Variants in FBLN2 observed in about 807,000 individuals in gnomAD.
The protein encoded by FBLN2 is fibulin-2.
A neutral mutation model predicts 123.7 loss-of-function variants in FBLN2; 81 were observed. The ratio of observed to expected loss-of-function variants is 0.65; its 90% confidence interval spans 0.55 to 0.79. FBLN2 has a LOEUF of 0.79. Ranked by LOEUF, FBLN2 falls within the 30% of genes least tolerant of loss-of-function variation. The probability of loss-of-function intolerance (pLI) is 0.00; values close to 1 mark genes in which losing one functional copy is unlikely to be tolerated. For missense variants in FBLN2, 1,603 were observed against 1,681.3 expected (o/e 0.95, Z 0.81); for synonymous variants, 699 against 701.4 (o/e 1.00, Z 0.05).
rs3836364 is a variant in FBLN2 at position 13,635,375 on chromosome 3, T to TACAC, written c.3215-1049_3215-1046dup. 3.7e-3 allele frequency among the ~76,000 whole-genome samples: 551 copies of TACAC among 149,178 alleles called. 2 individuals carry two copies. Among genetic ancestry groups the TACAC allele is most frequent in the African/African-American group, 0.012 (505 of 40,616 alleles). On this transcript the variant is annotated intron_variant, in intron 16 of 17. Transcript: ENST00000404922. ...TTTGTCCTCCAGGGTGCCTGTGGGT[T>TACAC]ACACACACACACACACACACACACC...
chr3:13,568,577 A>T (rs1189595442), intron 1 of FBLN2, among the ~76,000 whole-genome samples: 1 of 152,224 alleles, frequency 6.6e-6, no homozygotes, highest in Non-Finnish European at 1.5e-5. Flanking sequence ...GATGTGGCTC[A>T]GCCCTGGGGG....
chr3:13,595,477 A>T (rs936769995), intron 2 of FBLN2, among the ~76,000 whole-genome samples: 1 of 151,436 alleles, frequency 6.6e-6, no homozygotes. Context: ...CAGTCCTCAT[A>T]AAAAAAAACT....
At chr3:13,609,688 G>GGGGGGGGGGGGGGGGGGGGGCC in intron 4 of FBLN2, 46 bp downstream of exon 4, 2 of 512,604 alleles carry the variant, frequency 3.9e-6, no homozygotes, top group Non-Finnish European at 7.2e-6. Flanking sequence ...GTGGGGCGGG[G>GGGGGGGGGGGGGGGGGGGGGCC]CGGGAGGCTG....
Position 13,629,200 on chromosome 3 carries a change from G to A in FBLN2, c.2750G>A (p.Gly917Asp), listed in dbSNP as rs927857230. ...TGTGAGACAGGTGTGCACCGCTGCG[G>A]TGAGGGCCAAGTGTGCCACAACCTC... Reference protein sequence around the residue: ...NECETGVHRCGEGQVCHNLPG... With the variant: ...NECETGVHRCDEGQVCHNLPG... The change falls in exon 13 of 18, where the codon GGT becomes GAT. Residue 917 changes from glycine (G) to aspartate (D), a missense_variant. Gly to Asp is a moderately conservative substitution (Grantham distance 94, BLOSUM62 -1). Transcript: ENST00000404922. 3.7e-6 allele frequency: 6 copies of A among 1,613,364 alleles called. No individual in the cohort carries two copies. The highest frequency in any genetic ancestry group is 5.1e-6 in the Non-Finnish European group (6 of 1,179,766).
At chr3:13,575,672 G>T (rs550543501) in intron 2 of FBLN2, among the ~76,000 whole-genome samples, 1 of 152,028 alleles carries the variant, frequency 6.6e-6, no homozygotes, top group South Asian at 2.1e-4. Flanking sequence ...GAGAGGCCTC[G>T]GGCATCAAGA....
intron 2 of FBLN2, among the ~76,000 whole-genome samples, chr3:13,591,949 C>G (rs112272110): frequency 6.6e-6 from 1 of 151,036 alleles, no homozygotes; most frequent in Non-Finnish European, 1.5e-5. Context: ...TCCCCTACTG[C>G]GTTACATTGT....
intron 2 of FBLN2, among the ~76,000 whole-genome samples, chr3:13,607,100 G>A (rs1259998311): frequency 6.6e-6 from 1 of 152,166 alleles, no homozygotes; most frequent in Non-Finnish European, 1.5e-5. Flanking sequence ...CAATTCTCCT[G>A]CCTCAGCCTC....
At chr3:13,597,411 GCAGT>G (rs1214526157) in intron 2 of FBLN2, among the ~76,000 whole-genome samples, 1 of 152,196 alleles carries the variant, frequency 6.6e-6, no homozygotes, top group Admixed American at 6.5e-5. Context: ...CGTCCTGATG[GCAGT>G]CAGCAAGAGT....
chr3:13,594,568 C>G (rs767850371), intron 2 of FBLN2, among the ~76,000 whole-genome samples: 1 of 152,220 alleles, frequency 6.6e-6, no homozygotes, highest in African/African-American at 2.4e-5. Flanking sequence ...GGGCACATCA[C>G]TCTGCCTCCC....
chr3:13,609,421 G>C, intron 3 of FBLN2, 92 bp from the exon 4 acceptor site: 1 of 1,404,998 alleles, frequency 7.1e-7, no homozygotes, highest in Non-Finnish European at 9.4e-7. Context: ...TGTGGACCTT[G>C]GGCAGAGCTT....
intron 2 of FBLN2, among the ~76,000 whole-genome samples, chr3:13,599,888 G>A (rs564378614): frequency 1.3e-5 from 2 of 151,864 alleles, no homozygotes; most frequent in South Asian, 2.1e-4. Flanking sequence ...CATGGGGGGC[G>A]GGGGCAAGAG....
At chr3:13,615,936 G>T (rs2124889470) in intron 5 of FBLN2, among the ~76,000 whole-genome samples, 1 of 152,306 alleles carries the variant, frequency 6.6e-6, no homozygotes, top group Non-Finnish European at 1.5e-5. Flanking sequence ...CTGTGCATAG[G>T]GGTTAAGATG....
chr3:13,586,071 C>T (rs562091460), intron 2 of FBLN2, among the ~76,000 whole-genome samples: 1 of 152,288 alleles, frequency 6.6e-6, no homozygotes, highest in Admixed American at 6.5e-5. Context: ...CATGTTACTG[C>T]CCCTTAAGAC....
chr3:13,626,359 C>T (rs769894313), intron 9 of FBLN2, 86 bp from the exon 10 acceptor site: 71 of 1,382,344 alleles, frequency 5.1e-5, no homozygotes, highest in Non-Finnish European at 6.9e-5. Context: ...GAGCTCTCTC[C>T]CTCCTGGTGG....
chr3:13,606,518 C>T (rs1250835152), intron 2 of FBLN2, among the ~76,000 whole-genome samples: 2 of 152,322 alleles, frequency 1.3e-5, no homozygotes, highest in South Asian at 2.1e-4. Flanking sequence ...GGTGCTGACC[C>T]GACTAACAGT....
rs773068892 is a variant in FBLN2 at position 13,630,728 on chromosome 3, A to G, written c.2998A>G (p.Ser1000Gly). The G allele has an allele frequency of 1.1e-5, 18 of 1,609,024 alleles. No individual in the cohort carries two copies. In the South Asian group the frequency reaches 1.6e-4, roughly 14 times the overall value. ...GAATGAGTGTGAGGCCCAGCGCTGCAGCCAGGAGTGTGCCAACATCTATGG... is the reference window on the plus strand; with the variant it reads ...GAATGAGTGTGAGGCCCAGCGCTGCGGCCAGGAGTGTGCCAACATCTATGG... ...DVNECEAQRC[S>G]QECANIYGSY... Residue 1000 changes from serine to glycine, a missense_variant, in exon 15 of 18, where the codon AGC becomes GGC. Physicochemically the swap from Ser to Gly is moderately conservative, Grantham distance 56 (BLOSUM62 0). Transcript: ENST00000404922.
chr3:13,553,692 T>G (rs909369294), intron 1 of FBLN2, among the ~76,000 whole-genome samples: 2 of 152,254 alleles, frequency 1.3e-5, no homozygotes, highest in Non-Finnish European at 2.9e-5. Context: ...GGTTATTTCC[T>G]TCCTCGAGGG....
rs1178087613 is a variant in FBLN2, at chr3:13,570,799, T to C, written c.444T>C (p.Ala148=). Residue 148 remains alanine, a synonymous_variant, in exon 2 of 18, where the codon GCT becomes GCC. Transcript: ENST00000404922. ...GCVHAGHKYA[A]GHTVHLPPCR... ...TCCACGCGGGCCACAAGTACGCCGCTGGCCACACTGTTCACCTGCCGCCCT... is the reference window on the plus strand; with the variant it reads ...TCCACGCGGGCCACAAGTACGCCGCCGGCCACACTGTTCACCTGCCGCCCT... 4 of 1,595,938 alleles carry C rather than the reference T, an allele frequency of 2.5e-6. No individual in the cohort carries two copies. The South Asian group carries it at 3.4e-5, about 14-fold the overall frequency.
At chr3:13,556,200 T>C (rs994162905) in intron 1 of FBLN2, among the ~76,000 whole-genome samples, 1 of 152,182 alleles carries the variant, frequency 6.6e-6, no homozygotes, top group African/African-American at 2.4e-5. Context: ...AGATTGAAGA[T>C]GGACATTTAT....
Sources: allele counts gnomAD v4.1 joint callset (sites outside exome capture counted in the v4.1 genomes callset), GRCh38; gene constraint gnomAD v4.1.1; transcripts MANE v1.5; gene names NCBI Gene and HGNC (gene_info 2026-07-23, HGNC 2026-07-21).